CBX5: variants seen among roughly 807,000 people sequenced by gnomAD.
The protein encoded by CBX5 is chromobox protein homolog 5.
Under a neutral mutation model 20.7 loss-of-function variants are expected in CBX5, and 7 were observed. The ratio of observed to expected loss-of-function variants is 0.34; its 90% confidence interval spans 0.19 to 0.63. The LOEUF (loss-of-function observed/expected upper bound fraction) is 0.63. Among genes scored for constraint, CBX5 ranks in the 30% least tolerant of loss-of-function variants. CBX5 has a pLI of 0.75. For missense variants in CBX5, 110 were observed against 224.1 expected, an observed-to-expected ratio of 0.49 and a Z score of 3.25; for synonymous variants, 78 against 77.0, an observed-to-expected ratio of 1.01 and a Z score of -0.07.
At chr12:54,271,656 T>C (rs947987287) in intron 1 of CBX5, among the ~76,000 whole-genome samples, 2 of 152,246 alleles carry the variant, frequency 1.3e-5, no homozygotes, top group African/African-American at 2.4e-5. Flanking sequence ...TTTGTGTATG[T>C]TGAAGCTTTA....
At chr12:54,265,762 G>C (rs888839297) in intron 1 of CBX5, among the ~76,000 whole-genome samples, 7 of 152,168 alleles carry the variant, frequency 4.6e-5, no homozygotes, top group Admixed American at 2.6e-4. Flanking sequence ...AGGCCAAGAG[G>C]CTGGGCACAA....
At position 54,232,325 on chromosome 12, in the gene CBX5, C is replaced by T. The variant is rs1943576792; in HGVS notation, c.*9430G>A. The T allele has an allele frequency of 6.6e-6, 1 of 152,282 alleles. No homozygotes were observed. Among genetic ancestry groups the T allele is most frequent in the Non-Finnish European group, 1.5e-5 (1 of 68,114 alleles). 9.4% of individuals were successfully genotyped at this position (152,282 alleles called of 1,614,324 possible). On this transcript the variant is annotated 3_prime_UTR_variant, in exon 5 of 5. Transcript: ENST00000209875. Reference sequence around the variant, plus strand: ...CACTAAGTAGTTCCAGTCTTGGAGACAGCTCAGTGAGGACCAAAGCCTGTG... The same window carrying T: ...CACTAAGTAGTTCCAGTCTTGGAGATAGCTCAGTGAGGACCAAAGCCTGTG...
chr12:54,278,441 A>G (rs940830574), intron 1 of CBX5, among the ~76,000 whole-genome samples: 1 of 152,250 alleles, frequency 6.6e-6, no homozygotes, highest in African/African-American at 2.4e-5. Context: ...AGTGCCAGAG[A>G]ACATGGAAAT....
intron 1 of CBX5, among the ~76,000 whole-genome samples, chr12:54,275,269 G>A (rs1944050868): frequency 6.6e-6 from 1 of 151,870 alleles, no homozygotes; most frequent in Non-Finnish European, 1.5e-5. Context: ...TTTTGAGACA[G>A]TCTCGCTCTG....
rs1943634556 is a variant in CBX5, at chr12:54,237,428, A to G, written c.*4327T>C. On this transcript the variant is annotated 3_prime_UTR_variant, in exon 5 of 5. Transcript: ENST00000209875. ...ATTGCAGACTATAAAGATACCCAAA[A>G]ATCCTTCTCAAAATAGCACCCCAGT... 6.6e-6 allele frequency: 1 copy of G among 152,192 alleles called. No homozygotes were observed. The highest frequency in any genetic ancestry group is 6.5e-5 in the Admixed American group (1 of 15,274). The allele number at this position is 152,192 out of a possible 1,614,324, so 9.4% of individuals were successfully genotyped here.
At chr12:54,247,574 A>T (rs980131988) in intron 3 of CBX5, among the ~76,000 whole-genome samples, 3 of 152,202 alleles carry the variant, frequency 2.0e-5, no homozygotes, top group Non-Finnish European at 4.4e-5. Flanking sequence ...ATGAGTATTG[A>T]AACTTGGTCT....
intron 1 of CBX5, among the ~76,000 whole-genome samples, chr12:54,260,954 G>C (rs1440632966): frequency 1.3e-5 from 2 of 152,066 alleles, no homozygotes; most frequent in Admixed American, 6.5e-5. Context: ...ACTTTGGGAA[G>C]CCGAGGCAGG....
intron 1 of CBX5, among the ~76,000 whole-genome samples, chr12:54,271,342 T>C (rs1294903264): frequency 6.6e-6 from 1 of 152,218 alleles, no homozygotes; most frequent in East Asian, 1.9e-4. Flanking sequence ...TTTTCTTTTT[T>C]TGAGACGGAG....
intron 3 of CBX5, among the ~76,000 whole-genome samples, chr12:54,250,401 C>T (rs1310102611): frequency 1.3e-5 from 2 of 151,974 alleles, no homozygotes; most frequent in East Asian, 1.9e-4. Flanking sequence ...CAGAACAAGA[C>T]TCTGTCTCAA....
intron 1 of CBX5, among the ~76,000 whole-genome samples, chr12:54,279,581 C>T (rs944613108): frequency 3.3e-5 from 5 of 152,202 alleles, no homozygotes; most frequent in Admixed American, 2.6e-4. Context: ...GGCTGTCCGT[C>T]TACTGGTTCC....
At chr12:54,252,441 A>C (rs1046764170) in intron 2 of CBX5, 2 of 430,888 alleles carry the variant, frequency 4.6e-6, no homozygotes, top group African/African-American at 4.1e-5. Flanking sequence ...AATTGTTTAC[A>C]GCAGCATTTT....
At chr12:54,247,858 T>G (rs1475324122) in intron 3 of CBX5, among the ~76,000 whole-genome samples, 1 of 150,712 alleles carries the variant, frequency 6.6e-6, no homozygotes, top group Non-Finnish European at 1.5e-5. Context: ...TTTTTTTTTT[T>G]GAGACAGAGT....
intron 1 of CBX5, among the ~76,000 whole-genome samples, chr12:54,276,308 C>T (rs1349762555): frequency 6.6e-6 from 1 of 152,186 alleles, no homozygotes; most frequent in Non-Finnish European, 1.5e-5. Context: ...TACTGAACAT[C>T]ATAGCTTAGC....
intron 1 of CBX5, among the ~76,000 whole-genome samples, chr12:54,269,587 C>T (rs1013045938): frequency 6.6e-6 from 1 of 152,126 alleles, no homozygotes; most frequent in Non-Finnish European, 1.5e-5. Flanking sequence ...CGGGGCTTCA[C>T]CATGCTAGCC....
chr12:54,277,482 G>T (rs140606728), intron 1 of CBX5, among the ~76,000 whole-genome samples: 2,002 of 152,264 alleles, frequency 0.013, 18 homozygotes, highest in Middle Eastern at 0.037. Context: ...TGGGATTACA[G>T]ACATGAGCCA....
intron 1 of CBX5, chr12:54,259,580 C>A (rs910354344): frequency 6.5e-6 from 1 of 152,762 alleles, no homozygotes; most frequent in African/African-American, 2.4e-5. Context: ...TGGGTCTTGG[C>A]GGGCTGGCAG....
chr12:54,274,980 T>C (rs1445401845), intron 1 of CBX5, among the ~76,000 whole-genome samples: 1 of 152,000 alleles, frequency 6.6e-6, no homozygotes, highest in Non-Finnish European at 1.5e-5. Context: ...AGCGACTTAG[T>C]CTTCCTCAAA....
intron 3 of CBX5, among the ~76,000 whole-genome samples, chr12:54,249,732 G>A (rs189542841): frequency 6.6e-6 from 1 of 152,084 alleles, no homozygotes; most frequent in Non-Finnish European, 1.5e-5. Context: ...AAAAGAGAGA[G>A]AGGCAATAAC....
Position 54,233,458 on chromosome 12 carries a change from A to C in CBX5, c.*8297T>G, listed in dbSNP as rs941853077. 3 of 152,204 alleles carry C rather than the reference A, an allele frequency of 2.0e-5. No individual in the cohort carries two copies. Among genetic ancestry groups the C allele is most frequent in the Non-Finnish European group, 4.4e-5 (3 of 68,038 alleles). The allele number at this position is 152,204 out of a possible 1,614,324, so 9.4% of individuals were successfully genotyped here. ...CAATCCTAAAGCTACCGGAAACCAG[A>C]ACACTGACTTGAGCCTTAAGAGTGT... On this transcript the variant is annotated 3_prime_UTR_variant, in exon 5 of 5. Coordinates refer to ENST00000209875, the MANE Select transcript of CBX5 (RefSeq NM_012117.3).
Sources: gnomAD v4.1 joint callset for allele counts (sites outside exome capture counted in the v4.1 genomes callset) on GRCh38, gnomAD v4.1.1 for gene constraint, MANE v1.5 for transcripts, NCBI Gene and HGNC (gene_info 2026-07-23, HGNC 2026-07-21) for gene names.